The following IFT88 variants were observed in gnomAD, a reference collection of about 807,000 sequenced individuals.
The protein encoded by IFT88 is intraflagellar transport protein 88 homolog.
A neutral mutation model predicts 119.5 loss-of-function variants in IFT88; 74 were observed. The observed-to-expected ratio is 0.62, with a 90% CI of 0.51 to 0.75. The LOEUF (loss-of-function observed/expected upper bound fraction) is 0.75, where lower values mean the gene tolerates loss of function less well. IFT88 is among the 30% of genes least tolerant of loss of function. The probability of loss-of-function intolerance (pLI) is 0.00; values close to 1 mark genes in which losing one functional copy is unlikely to be tolerated. For synonymous variants in IFT88, 279 were observed against 316.7 expected, an observed-to-expected ratio of 0.88 and a Z score of 1.26; for missense variants, 961 against 977.7, an observed-to-expected ratio of 0.98 and a Z score of 0.23.
intron 13 of IFT88, among the ~76,000 whole-genome samples, chr13:20,614,817 CTTT>C (rs762297940): frequency 1.6e-5 from 2 of 125,832 alleles, no homozygotes; most frequent in Admixed American, 8.5e-5. Flanking sequence ...TATTTCTTTT[CTTT>C]TTTTTTTTTT....
At chr13:20,678,620 A>G (rs923125329) in intron 24 of IFT88, among the ~76,000 whole-genome samples, 1 of 152,172 alleles carries the variant, frequency 6.6e-6, no homozygotes, top group African/African-American at 2.4e-5. Context: ...TGCTCCAGTA[A>G]ACCAACAACT....
intron 24 of IFT88, among the ~76,000 whole-genome samples, chr13:20,680,653 C>T (rs1416669935): frequency 6.6e-6 from 1 of 152,136 alleles, no homozygotes; most frequent in East Asian, 1.9e-4. Flanking sequence ...CAGTGTTGCT[C>T]GCCAGCACTT....
intron 20 of IFT88, among the ~76,000 whole-genome samples, chr13:20,649,498 G>A (rs1188219561): frequency 2.0e-5 from 3 of 152,078 alleles, no homozygotes; most frequent in Admixed American, 6.5e-5. Flanking sequence ...TGCTGCAAAA[G>A]CATCCCTAAG....
At chr13:20,573,267 ATT>A (rs1271416323) in intron 1 of IFT88, among the ~76,000 whole-genome samples, 1 of 114,956 alleles carries the variant, frequency 8.7e-6, no homozygotes, top group Admixed American at 8.4e-5. Context: ...AATCAACGTT[ATT>A]TTTTTAAACC....
intron 13 of IFT88, chr13:20,607,692 C>A: frequency 1.2e-6 from 1 of 816,310 alleles, no homozygotes; most frequent in Admixed American, 1.7e-5. Context: ...GACTTGACTA[C>A]GTCTCACAGT....
intron 20 of IFT88, among the ~76,000 whole-genome samples, chr13:20,645,380 G>A (rs920748711): frequency 2.0e-5 from 3 of 152,150 alleles, no homozygotes; most frequent in Non-Finnish European, 4.4e-5. Flanking sequence ...ATGAGCCACC[G>A]CGCCCAGCCA....
chr13:20,576,622 G>C (rs2037432835), intron 2 of IFT88, among the ~76,000 whole-genome samples: 1 of 152,172 alleles, frequency 6.6e-6, no homozygotes, highest in Admixed American at 6.5e-5. Context: ...TTATTGAAGA[G>C]AATGTCTTTT....
At chr13:20,660,267 G>T (rs1016445796) in intron 22 of IFT88, among the ~76,000 whole-genome samples, 4 of 152,112 alleles carry the variant, frequency 2.6e-5, no homozygotes, top group Admixed American at 6.5e-5. Flanking sequence ...AAGCCATGAC[G>T]ATATGGAGGT....
chr13:20,669,931 G>T (rs2055501357), intron 23 of IFT88, among the ~76,000 whole-genome samples: 1 of 152,136 alleles, frequency 6.6e-6, no homozygotes, highest in Non-Finnish European at 1.5e-5. Context: ...AAAAAAATTG[G>T]ATATGTTTAT....
intron 16 of IFT88, among the ~76,000 whole-genome samples, chr13:20,637,964 C>T (rs750811065): frequency 2.6e-5 from 4 of 152,122 alleles, no homozygotes; most frequent in Non-Finnish European, 2.9e-5. Context: ...GGTGACGCAG[C>T]CAGTGTGCTA....
intron 20 of IFT88, among the ~76,000 whole-genome samples, chr13:20,651,110 G>C (rs149672322): frequency 0.01 from 1,537 of 152,126 alleles, 7 homozygotes; most frequent in Middle Eastern, 0.02. Context: ...GGAAGCATGA[G>C]TTCTTCAACT....
chr13:20,625,821 C>A lies in IFT88; in HGVS notation c.1271C>A (p.Thr424Lys), dbSNP rs781011717. 6.3e-7 allele frequency: 1 copy of A among 1,598,132 alleles called. No individual in the cohort carries two copies. The highest frequency in any genetic ancestry group is 1.3e-5 in the African/African-American group (1 of 74,102). Reference protein sequence around the residue: ...ANDLEINKAVTYLRQKDYNQA... With the variant: ...ANDLEINKAVKYLRQKDYNQA... ...GATCTGGAAATAAACAAAGCAGTTA[C>A]ATACTTGAGACAAAAAGACTATAAC... The change falls in exon 15 of 26, where the codon ACA (threonine) becomes AAA (lysine). Residue 424 changes from threonine to lysine, a missense_variant. By Grantham distance (78) the Thr-to-Lys change is moderately conservative. Transcript: ENST00000351808.
At chr13:20,666,056 A>G (rs1488165106) in intron 23 of IFT88, among the ~76,000 whole-genome samples, 1 of 152,238 alleles carries the variant, frequency 6.6e-6, no homozygotes, top group Non-Finnish European at 1.5e-5. Context: ...TAACTACGTA[A>G]CAAGTAACTG....
At chr13:20,611,567 A>G (rs1188447760) in intron 13 of IFT88, among the ~76,000 whole-genome samples, 2 of 149,818 alleles carry the variant, frequency 1.3e-5, no homozygotes, top group Non-Finnish European at 3.0e-5. Context: ...ACCTAAGATC[A>G]GGAACAAGAT....
intron 20 of IFT88, among the ~76,000 whole-genome samples, chr13:20,650,403 G>A (rs548368253): frequency 3.9e-5 from 6 of 152,206 alleles, no homozygotes; most frequent in Non-Finnish European, 7.4e-5. Flanking sequence ...CGGAAAAGGC[G>A]TATGACAAAA....
chr13:20,666,669 C>T (rs185703663), intron 23 of IFT88, among the ~76,000 whole-genome samples: 2 of 152,282 alleles, frequency 1.3e-5, no homozygotes, highest in African/African-American at 4.8e-5. Flanking sequence ...TGTGCCTTCT[C>T]TCATTTTTTT....
rs768009086 is a variant in IFT88, at chr13:20,643,614, G to A, written c.1833+9G>A. ...TTCAATATTACTATGAGGTAGGTGT[G>A]TTATCTTAATTTCCTTCTGTGTTTT... On this transcript the variant is annotated intron_variant, in intron 19 of 25. Coordinates refer to ENST00000351808, the MANE Select transcript of IFT88 (RefSeq NM_006531.5). 6.4e-7 allele frequency: 1 copy of A among 1,570,268 alleles called. No individual in the cohort carries two copies. Among genetic ancestry groups the A allele is most frequent in the Non-Finnish European group, 8.7e-7 (1 of 1,155,540 alleles).
intron 24 of IFT88, among the ~76,000 whole-genome samples, chr13:20,673,602 G>A (rs906475981): frequency 1.3e-5 from 2 of 152,094 alleles, no homozygotes; most frequent in Non-Finnish European, 2.9e-5. Flanking sequence ...GGCTTCACTC[G>A]GCCAGGGACC....
At position 20,643,534 on chromosome 13, in the gene IFT88, G is replaced by C. The variant is rs1367360712; in HGVS notation, c.1762G>C (p.Val588Leu). ...CAGTGTTATTCCAACCGATCCTCAA[G>C]TTTTATCTAAGCTAGGAGAATTATA... The part of the protein sequence containing the change: ...VVSVIPTDPQ[V>L]LSKLGELYDR... The change falls in exon 19 of 26, where the codon GTT becomes CTT. Residue 588 changes from valine (V) to leucine (L), a missense_variant. Val to Leu is a conservative substitution (Grantham distance 32). Transcript: ENST00000351808. 1 of 1,611,580 alleles carries C rather than the reference G, an allele frequency of 6.2e-7. No homozygotes were observed. Among genetic ancestry groups the C allele is most frequent in the Middle Eastern group, 1.7e-4 (1 of 6,056 alleles).
Sources: gnomAD v4.1 joint callset for allele counts (sites outside exome capture counted in the v4.1 genomes callset) on GRCh38, gnomAD v4.1.1 for gene constraint, MANE v1.5 for transcripts, NCBI Gene and HGNC (gene_info 2026-07-23, HGNC 2026-07-21) for gene names.